The following CSMD3 variants were observed in gnomAD, a reference collection of about 807,000 sequenced individuals.
The protein encoded by CSMD3 is CUB and Sushi multiple domains 3.
A neutral mutation model predicts 435.2 loss-of-function variants in CSMD3; 177 were observed. The observed-to-expected ratio is 0.41, with a 90% CI of 0.36 to 0.46. The LOEUF (loss-of-function observed/expected upper bound fraction) is 0.46. Among genes scored for constraint, CSMD3 ranks in the 20% least tolerant of loss-of-function variants. The pLI is 0.34. For synonymous variants in CSMD3, 1,656 were observed against 1,520.5 expected (o/e 1.09, Z -2.07); for missense variants, 4,265 against 4,504.6 (o/e 0.95, Z 1.52).
rs540425937 is a variant in CSMD3, at chr8:112,356,166, T to A, written c.6137-3632A>T. Among the ~76,000 whole-genome samples the A allele has an allele frequency of 3.9e-5, 6 of 152,172 alleles. No individual in the cohort carries two copies. The East Asian group carries it at 1.2e-3, about 30-fold the overall frequency. ...TTAGAACTACCATTTAACCCAGCAA[T>A]CTCATTACTGGGTGTAGAATCAAAG... On this transcript the variant is annotated intron_variant, in intron 38 of 70. Coordinates refer to ENST00000297405, the MANE Select transcript of CSMD3 (RefSeq NM_198123.2).
chr8:112,275,102 G>C (rs1817906897), intron 59 of CSMD3, among the ~76,000 whole-genome samples: 1 of 151,722 alleles, frequency 6.6e-6, no homozygotes, highest in Non-Finnish European at 1.5e-5. Context: ...CAGCAGGGAA[G>C]TTCAAACCAT....
intron 1 of CSMD3, among the ~76,000 whole-genome samples, chr8:113,374,202 A>C (rs929849381): frequency 7.9e-5 from 12 of 152,100 alleles, no homozygotes; most frequent in African/African-American, 1.7e-4. Flanking sequence ...GAGTATAGAC[A>C]CAGAAACACA....
chr8:112,633,562 A>G (rs2074575699), intron 22 of CSMD3, among the ~76,000 whole-genome samples: 1 of 152,116 alleles, frequency 6.6e-6, no homozygotes, highest in Admixed American at 6.6e-5. Flanking sequence ...GTATTATTAC[A>G]TTTTAATATT....
intron 3 of CSMD3, among the ~76,000 whole-genome samples, chr8:113,233,595 CAG>C (rs1460044852): frequency 6.6e-6 from 1 of 150,946 alleles, no homozygotes; most frequent in African/African-American, 2.4e-5. Context: ...TAAATGTAAA[CAG>C]ACTATAAACA....
chr8:112,823,558 C>G (rs1427500856), intron 12 of CSMD3, among the ~76,000 whole-genome samples: 1 of 152,094 alleles, frequency 6.6e-6, no homozygotes, highest in African/African-American at 2.4e-5. Context: ...TTCTTCATTT[C>G]TTCCTTAATT....
chr8:113,310,596 A>G (rs1055672589), intron 2 of CSMD3: 150 of 152,010 alleles, frequency 9.9e-4, no homozygotes, highest in African/African-American at 2.7e-3. Context: ...AAATATCTAT[A>G]AAAATCAGAT....
intron 1 of CSMD3, among the ~76,000 whole-genome samples, chr8:113,409,667 T>C (rs2094549331): frequency 6.6e-6 from 1 of 152,222 alleles, no homozygotes; most frequent in South Asian, 2.1e-4. Flanking sequence ...GTTGAAGTTC[T>C]TTTATCAGCC....
chr8:113,079,236 T>C (rs1036481701), intron 5 of CSMD3, among the ~76,000 whole-genome samples: 3 of 152,188 alleles, frequency 2.0e-5, no homozygotes, highest in Non-Finnish European at 4.4e-5. Context: ...ATGTCATTGT[T>C]CAATACATAA....
chr8:113,185,491 C>T (rs2092485241), intron 3 of CSMD3, among the ~76,000 whole-genome samples: 1 of 151,972 alleles, frequency 6.6e-6, no homozygotes, highest in South Asian at 2.1e-4. Flanking sequence ...TCCTTTAGTC[C>T]CACTCATGTT....
At chr8:113,131,216 A>G (rs2091275286) in intron 4 of CSMD3, among the ~76,000 whole-genome samples, 1 of 152,150 alleles carries the variant, frequency 6.6e-6, no homozygotes, top group Non-Finnish European at 1.5e-5. Flanking sequence ...ATTTGAATGA[A>G]TAACAAGGAG....
intron 1 of CSMD3, among the ~76,000 whole-genome samples, chr8:113,435,050 G>C (rs1303780436): frequency 1.3e-5 from 2 of 152,342 alleles, no homozygotes; most frequent in Admixed American, 1.3e-4. Flanking sequence ...CAGCCCCAGG[G>C]CCATCCATTA....
At chr8:112,943,424 C>T (rs1228332956) in intron 9 of CSMD3, among the ~76,000 whole-genome samples, 2 of 151,494 alleles carry the variant, frequency 1.3e-5, no homozygotes, top group Non-Finnish European at 3.0e-5. Flanking sequence ...GGAGAACATG[C>T]CACGAGTTCT....
At chr8:112,922,418 GAC>G (rs2082772070) in intron 9 of CSMD3, among the ~76,000 whole-genome samples, 6 of 151,726 alleles carry the variant, frequency 4.0e-5, no homozygotes, top group Non-Finnish European at 8.8e-5. Flanking sequence ...AGTTATTATT[GAC>G]TATAGCTATC....
intron 45 of CSMD3, among the ~76,000 whole-genome samples, chr8:112,327,930 A>C (rs1823658122): frequency 6.6e-6 from 1 of 152,228 alleles, no homozygotes; most frequent in Non-Finnish European, 1.5e-5. Flanking sequence ...CCAGAAAATA[A>C]TGCTGCATGT....
At chr8:113,207,010 G>C (rs935596077) in intron 3 of CSMD3, among the ~76,000 whole-genome samples, 1 of 152,072 alleles carries the variant, frequency 6.6e-6, no homozygotes, top group African/African-American at 2.4e-5. Context: ...AAAAATGCAG[G>C]CTACTGTGTT....
At chr8:112,301,277 T>C (rs1291229483) in intron 53 of CSMD3, among the ~76,000 whole-genome samples, 3 of 152,042 alleles carry the variant, frequency 2.0e-5, no homozygotes, top group African/African-American at 7.2e-5. Flanking sequence ...ATAAATACTC[T>C]AAGGGGAAAA....
At position 112,645,168 on chromosome 8, in the gene CSMD3, G is replaced by C. The variant is rs758168687; in HGVS notation, c.3251C>G (p.Pro1084Arg). 2 of 1,609,468 alleles carry C rather than the reference G, an allele frequency of 1.2e-6. No homozygotes were observed. Among genetic ancestry groups the C allele is most frequent in the Non-Finnish European group, 1.7e-6 (2 of 1,176,084 alleles). ...PSGTILSPGY[P>R]EFYPNSLNCT... ...ATTCAGAGAATTTGGATAAAATTCC[G>C]GGTAACCAGGTGATAAGATTGTTCC... Residue 1084 changes from proline (P) to arginine (R), a missense_variant, in exon 20 of 71, where the codon CCG becomes CGG. Pro to Arg is a moderately radical substitution (Grantham distance 103, BLOSUM62 -2). This residue lies in a region of CSMD3 where 3,255 missense variants were observed against 3,380.2 expected (regional missense o/e 0.96). Coordinates refer to ENST00000297405, the MANE Select transcript of CSMD3 (RefSeq NM_198123.2).
chr8:112,928,925 TTCTCCACATCC>T (rs2083004143), intron 9 of CSMD3, among the ~76,000 whole-genome samples: 1 of 131,514 alleles, frequency 7.6e-6, no homozygotes, highest in Non-Finnish European at 1.6e-5. Flanking sequence ...GTGTTCCTAT[TTCTCCACATCC>T]TCTCCAGCAC....
In CSMD3 at chr8:112,383,595, G is replaced by A. The variant is rs761767871; in HGVS notation, c.6003C>T (p.Asn2001=). 6.2e-7 allele frequency: 1 copy of A among 1,600,352 alleles called. No homozygotes were observed. The highest frequency in any genetic ancestry group is 1.1e-5 in the South Asian group (1 of 90,812). The change falls in exon 37 of 71, where the codon AAC becomes AAT. Residue 2001 remains asparagine, a synonymous_variant. Coordinates refer to ENST00000297405, the MANE Select transcript of CSMD3 (RefSeq NM_198123.2). ...DSLDFYDGGD[N]NAPRLGSYSG... ...AATAGCTTCCAAGTCTTGGAGCATTGTTGTCTCCCCCATCATAAAAGTCCA... is the reference window on the plus strand; with the variant it reads ...AATAGCTTCCAAGTCTTGGAGCATTATTGTCTCCCCCATCATAAAAGTCCA...
Sources: gnomAD v4.1 joint callset for allele counts (sites outside exome capture counted in the v4.1 genomes callset) on GRCh38, gnomAD v4.1.1 for gene constraint, gnomAD v4.1.1 regional missense constraint, MANE v1.5 for transcripts, NCBI Gene and HGNC (gene_info 2026-07-23, HGNC 2026-07-21) for gene names.